Variants in VEGFC observed in about 807,000 individuals in gnomAD.
VEGFC encodes the protein vascular endothelial growth factor C.
VEGFC carries 12 observed loss-of-function variants against 46.1 expected under a neutral mutation model. The observed-to-expected ratio is 0.26, with a 90% CI of 0.17 to 0.42. The LOEUF (loss-of-function observed/expected upper bound fraction) is 0.42, where lower values mean the gene tolerates loss of function less well. VEGFC is among the 10% of genes least tolerant of loss of function. The pLI is 1.00. For synonymous variants in VEGFC, 232 were observed against 195.5 expected, an observed-to-expected ratio of 1.19 and a Z score of -1.56; for missense variants, 488 against 529.4, an observed-to-expected ratio of 0.92 and a Z score of 0.77.
rs569766054 is a variant in VEGFC, at chr4:176,731,904, A to T, written c.148-2158T>A. On this transcript the variant is annotated intron_variant, in intron 1 of 6. Coordinates refer to ENST00000618562, the MANE Select transcript of VEGFC (RefSeq NM_005429.5). The stretch of plus-strand genomic sequence containing the variant: ...AACTATAACAATATTTATATTTATT[A>T]AAAAAACACTGTTCCTCAATAGATC... 5.9e-5 allele frequency among the ~76,000 whole-genome samples: 9 copies of T among 152,124 alleles called. No individual in the cohort carries two copies. In the South Asian group the frequency reaches 8.3e-4, roughly 14 times the overall value.
chr4:176,786,812 A>T (rs1224774207), intron 1 of VEGFC, among the ~76,000 whole-genome samples: 1 of 152,204 alleles, frequency 6.6e-6, no homozygotes, highest in Non-Finnish European at 1.5e-5. Flanking sequence ...AATTAGGAGC[A>T]TCCACATGGC....
At chr4:176,711,171 T>C (rs1734613903) in intron 4 of VEGFC, among the ~76,000 whole-genome samples, 2 of 152,190 alleles carry the variant, frequency 1.3e-5, no homozygotes, top group African/African-American at 4.8e-5. Context: ...TAATATGATT[T>C]ATGAGTTAGC....
At chr4:176,736,382 T>G (rs188868413) in intron 1 of VEGFC, among the ~76,000 whole-genome samples, 44 of 151,884 alleles carry the variant, frequency 2.9e-4, no homozygotes, top group African/African-American at 9.6e-4. Context: ...AGAGACTAGC[T>G]TTTAGACTTG....
chr4:176,769,415 A>T (rs1735686779), intron 1 of VEGFC, among the ~76,000 whole-genome samples: 1 of 152,134 alleles, frequency 6.6e-6, no homozygotes, highest in South Asian at 2.1e-4. Flanking sequence ...CATCACAGAA[A>T]AGCTCACAGA....
chr4:176,718,387 A>G (rs928456155), intron 3 of VEGFC, among the ~76,000 whole-genome samples: 10 of 152,132 alleles, frequency 6.6e-5, no homozygotes, highest in African/African-American at 2.4e-4. Flanking sequence ...TAATACCTCT[A>G]ATTTCATTAT....
At chr4:176,768,095 G>C (rs1200000637) in intron 1 of VEGFC, among the ~76,000 whole-genome samples, 1 of 152,182 alleles carries the variant, frequency 6.6e-6, no homozygotes, top group Non-Finnish European at 1.5e-5. Context: ...GCTATAGGTA[G>C]AGCTAGAGCA....
At chr4:176,717,070 A>G (rs1389969826) in intron 3 of VEGFC, among the ~76,000 whole-genome samples, 2 of 152,194 alleles carry the variant, frequency 1.3e-5, no homozygotes. Flanking sequence ...TTTGAAAATT[A>G]TGATTTTTCT....
chr4:176,789,076 G>T (rs756840510), intron 1 of VEGFC, among the ~76,000 whole-genome samples: 1 of 152,136 alleles, frequency 6.6e-6, no homozygotes, highest in South Asian at 2.1e-4. Context: ...CCAGGGATTC[G>T]GGAAACCTTC....
chr4:176,733,320 G>A (rs1734998792), intron 1 of VEGFC, among the ~76,000 whole-genome samples: 1 of 151,924 alleles, frequency 6.6e-6, no homozygotes, highest in African/African-American at 2.4e-5. Context: ...TATGTTTATG[G>A]AGGGTTTACT....
intron 1 of VEGFC, among the ~76,000 whole-genome samples, chr4:176,780,387 A>AAAAAAAAAAAAAAAAAAAAAAAAAAAAC (rs541639588): frequency 4.4e-5 from 5 of 114,746 alleles, no homozygotes; most frequent in Non-Finnish European, 6.8e-5. Flanking sequence ...ATCTCAAAAA[A>AAAAAAAAAAAAAAAAAAAAAAAAAAAAC]AAAAAAAAAA....
intron 4 of VEGFC, among the ~76,000 whole-genome samples, chr4:176,694,586 C>G (rs1289523342): frequency 6.6e-5 from 10 of 151,904 alleles, no homozygotes; most frequent in African/African-American, 2.4e-4. Context: ...AGAAAGTCAA[C>G]AAGGATACGC....
At chr4:176,745,194 T>C (rs139802483) in intron 1 of VEGFC, among the ~76,000 whole-genome samples, 72 of 152,216 alleles carry the variant, frequency 4.7e-4, no homozygotes, top group African/African-American at 1.6e-3. Flanking sequence ...TTATAAGTCA[T>C]CCAGTTGATA....
At chr4:176,717,506 A>G (rs1734717513) in intron 3 of VEGFC, among the ~76,000 whole-genome samples, 1 of 152,148 alleles carries the variant, frequency 6.6e-6, no homozygotes, top group Admixed American at 6.5e-5. Context: ...AACAATTCCT[A>G]ATCGTACTTA....
At chr4:176,688,833 A>G (rs1734095372) in intron 4 of VEGFC, among the ~76,000 whole-genome samples, 1 of 152,094 alleles carries the variant, frequency 6.6e-6, no homozygotes, top group Non-Finnish European at 1.5e-5. Context: ...TCTCCTCCAC[A>G]CCTGGCATCA....
chr4:176,754,039 G>C (rs188620252), intron 1 of VEGFC, among the ~76,000 whole-genome samples: 1 of 152,026 alleles, frequency 6.6e-6, no homozygotes, highest in Non-Finnish European at 1.5e-5. Context: ...TATTCCAGAT[G>C]ATGAACATAA....
chr4:176,743,729 A>G (rs1214031481), intron 1 of VEGFC, among the ~76,000 whole-genome samples: 1 of 151,814 alleles, frequency 6.6e-6, no homozygotes, highest in Non-Finnish European at 1.5e-5. Context: ...TGTTTTATTC[A>G]TATGGATATA....
chr4:176,702,080 T>C (rs970317449), intron 4 of VEGFC, among the ~76,000 whole-genome samples: 1 of 152,172 alleles, frequency 6.6e-6, no homozygotes, highest in Non-Finnish European at 1.5e-5. Flanking sequence ...TAAATATTAA[T>C]AGACCAAAAA....
At chr4:176,779,195 A>G (rs1165815124) in intron 1 of VEGFC, among the ~76,000 whole-genome samples, 1 of 152,204 alleles carries the variant, frequency 6.6e-6, no homozygotes, top group Non-Finnish European at 1.5e-5. Context: ...AGATGAAAAG[A>G]CAACAGAGCT....
intron 5 of VEGFC, 133 bp from the exon 6 acceptor site, chr4:176,687,653 CT>C: frequency 9.5e-7 from 1 of 1,053,728 alleles, no homozygotes; most frequent in Non-Finnish European, 1.3e-6. Flanking sequence ...GAGTATGTTC[CT>C]TTATAAAGGA....
Sources: gnomAD v4.1 joint callset for allele counts (sites outside exome capture counted in the v4.1 genomes callset) on GRCh38, gnomAD v4.1.1 for gene constraint, MANE v1.5 for transcripts, NCBI Gene and HGNC (gene_info 2026-07-23, HGNC 2026-07-21) for gene names.